SCO1: variants seen among roughly 807,000 people sequenced by gnomAD.
The protein encoded by SCO1 is synthesis of cytochrome C oxidase 1, also known as cytochrome c oxidase assembly factor SCO1.
A neutral mutation model predicts 34.0 loss-of-function variants in SCO1; 23 were observed. That is an observed-to-expected ratio of 0.68 (90% confidence interval 0.49 to 0.96). The LOEUF (loss-of-function observed/expected upper bound fraction) is 0.96. Among genes scored for constraint, SCO1 ranks in the 40% least tolerant of loss-of-function variants. The pLI, the probability that SCO1 is intolerant of heterozygous loss-of-function variation, is 0.00. For synonymous variants in SCO1, 161 were observed against 145.5 expected (o/e 1.11, Z -0.77); for missense variants, 404 against 381.6 (o/e 1.06, Z -0.49).
At chr17:10,689,115 C>CAAAAAAAAAAA (rs556558488) in intron 4 of SCO1, among the ~76,000 whole-genome samples, 8 of 67,894 alleles carry the variant, frequency 1.2e-4, no homozygotes, top group East Asian at 8.4e-4. Context: ...GACTCCGTCT[C>CAAAAAAAAAAA]AAAAAAAAAA....
intron 5 of SCO1, chr17:10,684,070 T>C (rs373470479): frequency 6.6e-6 from 1 of 152,238 alleles, no homozygotes; most frequent in African/African-American, 2.4e-5. Flanking sequence ...TTAGCAAATG[T>C]ACAGCATGAA....
intron 5 of SCO1, 24 bp from the exon 6 acceptor site, chr17:10,681,277 G>A (rs376099570): frequency 1.9e-6 from 3 of 1,613,006 alleles, no homozygotes; most frequent in Non-Finnish European, 8.5e-7. Context: ...GGGGGAGAGT[G>A]TGACAAAGAT....
At chr17:10,688,088 A>G (rs117516017) in intron 4 of SCO1, among the ~76,000 whole-genome samples, 19 of 152,330 alleles carry the variant, frequency 1.2e-4, no homozygotes, top group Non-Finnish European at 2.2e-4. Flanking sequence ...AACCTTCGTA[A>G]CCTTAGGTTA....
At chr17:10,690,680 T>C (rs2074684184) in intron 4 of SCO1, among the ~76,000 whole-genome samples, 1 of 152,240 alleles carries the variant, frequency 6.6e-6, no homozygotes, top group Non-Finnish European at 1.5e-5. Context: ...GGAATCTCAC[T>C]ACTGGGTATA....
chr17:10,682,806 CAT>C (rs1240457602), intron 5 of SCO1, among the ~76,000 whole-genome samples: 2 of 152,168 alleles, frequency 1.3e-5, no homozygotes, highest in East Asian at 1.9e-4. Context: ...AATTCTTTCA[CAT>C]GTCATCTTAA....
chr17:10,694,451 T>C (rs970073687), intron 2 of SCO1, among the ~76,000 whole-genome samples: 15 of 140,816 alleles, frequency 1.1e-4, no homozygotes, highest in Non-Finnish European at 2.1e-4. Flanking sequence ...AACAAACAAA[T>C]AAACAATACC....
chr17:10,685,670 T>C (rs2074651198), intron 5 of SCO1, among the ~76,000 whole-genome samples: 1 of 152,204 alleles, frequency 6.6e-6, no homozygotes, highest in African/African-American at 2.4e-5. Flanking sequence ...AGAATTCTCA[T>C]TCAACCTAAA....
intron 5 of SCO1, among the ~76,000 whole-genome samples, chr17:10,682,679 T>C (rs2074630126): frequency 1.3e-5 from 2 of 152,202 alleles, no homozygotes; most frequent in African/African-American, 2.4e-5. Flanking sequence ...CACTCCTCAA[T>C]ATTCCTTTGG....
intron 4 of SCO1, among the ~76,000 whole-genome samples, chr17:10,691,181 G>T (rs1362198274): frequency 6.6e-6 from 1 of 152,150 alleles, no homozygotes; most frequent in Non-Finnish European, 1.5e-5. Flanking sequence ...GATCAGTGGC[G>T]TGATGTCAGC....
intron 5 of SCO1, among the ~76,000 whole-genome samples, chr17:10,684,348 T>C (rs554909139): frequency 6.6e-6 from 1 of 152,330 alleles, no homozygotes; most frequent in East Asian, 1.9e-4. Context: ...ATGAATATGA[T>C]ACATTCTTGC....
At position 10,675,005 on chromosome 17, in the gene SCO1, C is replaced by T. The variant is rs201620; in HGVS notation, c.*6114G>A. The T allele has an allele frequency of 0.038, 5,824 of 152,394 alleles. 374 individuals are homozygous for T. The highest frequency in any genetic ancestry group is 0.13 in the African/African-American group (5,240 of 41,534). The allele number at this position is 152,394 out of a possible 1,614,324, so 9.4% of individuals were successfully genotyped here. A position where few individuals can be genotyped will look rare whatever the true frequency, so the allele number is the denominator to read the frequency against. On this transcript the variant is annotated 3_prime_UTR_variant, in exon 6 of 6. Coordinates refer to ENST00000255390, the MANE Select transcript of SCO1 (RefSeq NM_004589.4). ...GCCAACAAGGAATGTGCCCACTCTCCCCTTCAGTTTGCTCCTCCTCAGTGT... is the reference window on the plus strand; with the variant it reads ...GCCAACAAGGAATGTGCCCACTCTCTCCTTCAGTTTGCTCCTCCTCAGTGT...
intron 1 of SCO1, among the ~76,000 whole-genome samples, chr17:10,696,067 T>TAAAAA (rs1374448443): frequency 2.0e-4 from 7 of 35,806 alleles, no homozygotes; most frequent in African/African-American, 6.5e-4. Context: ...TCTCTTCATG[T>TAAAAA]AAATAAAAAA....
intron 5 of SCO1, among the ~76,000 whole-genome samples, chr17:10,684,141 A>T (rs973686747): frequency 6.6e-6 from 1 of 152,234 alleles, no homozygotes; most frequent in Non-Finnish European, 1.5e-5. Flanking sequence ...ATTTCTCAAA[A>T]TGGGGCCAAA....
intron 5 of SCO1, 96 bp downstream of exon 5, chr17:10,686,630 AT>A: frequency 2.4e-6 from 2 of 825,438 alleles, no homozygotes; most frequent in African/African-American, 1.7e-5. Context: ...AATCTTAGGT[AT>A]TCTCTCTTCT....
chr17:10,695,055 G>C (rs2074713193), intron 2 of SCO1, among the ~76,000 whole-genome samples: 1 of 152,184 alleles, frequency 6.6e-6, no homozygotes, highest in Admixed American at 6.5e-5. Context: ...AAAATGCAAA[G>C]TTCTTATAAA....
intron 5 of SCO1, among the ~76,000 whole-genome samples, chr17:10,683,137 C>G (rs1019948663): frequency 6.6e-6 from 1 of 152,144 alleles, no homozygotes; most frequent in Non-Finnish European, 1.5e-5. Flanking sequence ...GCCTCAGTTC[C>G]CCTTAGAGTG....
chr17:10,681,278 T>C (rs1315618704), intron 5 of SCO1, 25 bp from the exon 6 acceptor site: 1 of 1,612,918 alleles, frequency 6.2e-7, no homozygotes, highest in Non-Finnish European at 8.5e-7. Flanking sequence ...GGGGAGAGTG[T>C]GACAAAGATT....
Position 10,689,124 on chromosome 17 carries a change from A to C in SCO1, c.656-2282T>G, listed in dbSNP as rs1404860844. 2.1e-4 allele frequency among the ~76,000 whole-genome samples: 30 copies of C among 139,856 alleles called. 1 individual carries two copies. Among genetic ancestry groups the C allele is most frequent in the Non-Finnish European group, 4.4e-5 (3 of 67,556 alleles). 91.8% of individuals were successfully genotyped at this position (139,856 alleles called of 152,430 possible). A position where few individuals can be genotyped will look rare whatever the true frequency, so the allele number is the denominator to read the frequency against. On this transcript the variant is annotated intron_variant, in intron 4 of 5. Coordinates refer to ENST00000255390, the MANE Select transcript of SCO1 (RefSeq NM_004589.4). ...GAGCGAGACTCCGTCTCAAAAAAAA[A>C]AAAAAAAAAAAGAAAGCAGTTCTGC...
At position 10,694,646 on chromosome 17, in the gene SCO1, C is replaced by T. The variant is rs530978971; in HGVS notation, c.364+1095G>A. Among the ~76,000 whole-genome samples, 4 of 152,134 alleles carry T rather than the reference C, an allele frequency of 2.6e-5. No homozygotes were observed. The South Asian group carries it at 8.3e-4, about 32-fold the overall frequency. On this transcript the variant is annotated intron_variant, in intron 2 of 5. Coordinates refer to ENST00000255390, the MANE Select transcript of SCO1 (RefSeq NM_004589.4). The stretch of plus-strand genomic sequence containing the variant: ...TCTCAAATTATTTAGGAAGACTTTT[C>T]AGATTATTTAATAATACATTTTTTA...
Sources: allele counts gnomAD v4.1 joint callset (sites outside exome capture counted in the v4.1 genomes callset), GRCh38; gene constraint gnomAD v4.1.1; transcripts MANE v1.5; gene names NCBI Gene and HGNC (gene_info 2026-07-23, HGNC 2026-07-21).